Variants in HLCS observed in about 807,000 individuals in gnomAD.
The protein encoded by HLCS is biotin--protein ligase.
HLCS carries 53 observed loss-of-function variants against 75.0 expected under a neutral mutation model. The ratio of observed to expected loss-of-function variants is 0.71; its 90% CI spans 0.57 to 0.89. The LOEUF (loss-of-function observed/expected upper bound fraction) is 0.89. Among genes scored for constraint, HLCS ranks in the 40% least tolerant of loss-of-function variants. The pLI is 0.00. For missense variants in HLCS, 966 were observed against 1,074.0 expected, an observed-to-expected ratio of 0.90 and a Z score of 1.41; for synonymous variants, 431 against 428.6, an observed-to-expected ratio of 1.01 and a Z score of -0.07.
intron 5 of HLCS, among the ~76,000 whole-genome samples, chr21:36,914,562 A>C (rs187152387): frequency 6.6e-6 from 1 of 152,324 alleles, no homozygotes; most frequent in African/African-American, 2.4e-5. Context: ...ACTAGCGAAG[A>C]CCACAAAAGG....
chr21:36,846,138 T>C (rs184200006), intron 6 of HLCS, among the ~76,000 whole-genome samples: 1 of 152,312 alleles, frequency 6.6e-6, no homozygotes, highest in African/African-American at 2.4e-5. Context: ...AAGTGATACA[T>C]AGTAGACACT....
chr21:36,828,460 T>A (rs1377327908), intron 6 of HLCS, among the ~76,000 whole-genome samples: 1 of 152,212 alleles, frequency 6.6e-6, no homozygotes, highest in Non-Finnish European at 1.5e-5. Context: ...CTGGAAACGT[T>A]AATAAGGTGC....
intron 6 of HLCS, among the ~76,000 whole-genome samples, chr21:36,849,394 C>A (rs183408967): frequency 6.6e-6 from 1 of 152,196 alleles, no homozygotes; most frequent in African/African-American, 2.4e-5. Context: ...AGCCATTCAA[C>A]GTAATCATAA....
chr21:36,884,674 A>C (rs73214725), intron 6 of HLCS, among the ~76,000 whole-genome samples: 6,564 of 152,330 alleles, frequency 0.043, 205 homozygotes, highest in Non-Finnish European at 0.066. Context: ...TATCTTTTCT[A>C]ACCCTAAACC....
intron 6 of HLCS, among the ~76,000 whole-genome samples, chr21:36,788,039 G>C (rs1408342752): frequency 6.6e-6 from 1 of 152,120 alleles, no homozygotes; most frequent in Non-Finnish European, 1.5e-5. Flanking sequence ...CATTTTGCTA[G>C]ATTCCCTCCA....
chr21:36,958,057 C>G (rs1177811331), intron 2 of HLCS, among the ~76,000 whole-genome samples: 1 of 151,646 alleles, frequency 6.6e-6, no homozygotes, highest in Non-Finnish European at 1.5e-5. Flanking sequence ...GAAACACCGT[C>G]TCTACTAAAA....
At position 36,749,418 on chromosome 21, in the gene HLCS, T is replaced by G. The variant is rs1463105335; in HGVS notation, c.*4828A>C. Reference sequence around the variant, plus strand: ...TCATCGTTCTAAAATCAAGTGCACCTACACCAACTGCTCTCAAAATGTGAA... The same window carrying G: ...TCATCGTTCTAAAATCAAGTGCACCGACACCAACTGCTCTCAAAATGTGAA... On this transcript the variant is annotated 3_prime_UTR_variant, in exon 11 of 11. Coordinates refer to ENST00000674895, the MANE Select transcript of HLCS (RefSeq NM_001352514.2). 1.3e-5 allele frequency: 2 copies of G among 151,618 alleles called. No homozygotes were observed. Among genetic ancestry groups the G allele is most frequent in the Non-Finnish European group, 2.9e-5 (2 of 67,960 alleles). The allele number at this position is 151,618 out of a possible 1,614,324, so 9.4% of individuals were successfully genotyped here.
At chr21:36,845,717 T>G (rs757137182) in intron 6 of HLCS, among the ~76,000 whole-genome samples, 1 of 152,098 alleles carries the variant, frequency 6.6e-6, no homozygotes, top group Non-Finnish European at 1.5e-5. Flanking sequence ...CTAGGTCATT[T>G]CTCTTAAAGC....
At chr21:36,867,727 C>G (rs77113140) in intron 6 of HLCS, among the ~76,000 whole-genome samples, 2,097 of 152,350 alleles carry the variant, frequency 0.014, 65 homozygotes, top group East Asian at 0.12. Context: ...CCTACATACA[C>G]TACTTATTAT....
At chr21:36,929,920 CTCAAG>C (rs1471961188) in intron 5 of HLCS, among the ~76,000 whole-genome samples, 10 of 152,176 alleles carry the variant, frequency 6.6e-5, no homozygotes, top group African/African-American at 2.4e-4. Flanking sequence ...CTGAAAGTGG[CTCAAG>C]TCAAAACAAA....
rs531875617 is a variant in HLCS at position 36,824,129 on chromosome 21, A to C, written c.1893-56844T>G. ...ACCCTGTCTCTACTAAAAATACAAA[A>C]AAAGTGCACACATATGTTTATTGCA... On this transcript the variant is annotated intron_variant, in intron 6 of 10. Transcript: ENST00000674895. 2.0e-5 allele frequency among the ~76,000 whole-genome samples: 3 copies of C among 152,368 alleles called. No homozygotes were observed. The South Asian group carries it at 6.2e-4, about 32-fold the overall frequency.
chr21:36,927,087 T>C (rs1181605645), intron 5 of HLCS, among the ~76,000 whole-genome samples: 1 of 152,170 alleles, frequency 6.6e-6, no homozygotes, highest in Non-Finnish European at 1.5e-5. Flanking sequence ...TAAACGTGTG[T>C]TTGTGTGTTT....
intron 6 of HLCS, among the ~76,000 whole-genome samples, chr21:36,789,042 C>T (rs1268863163): frequency 6.6e-6 from 1 of 152,096 alleles, no homozygotes; most frequent in Non-Finnish European, 1.5e-5. Context: ...TTTTGCTCTA[C>T]TTCTTTTAAT....
intron 8 of HLCS, among the ~76,000 whole-genome samples, chr21:36,762,168 G>A (rs983496604): frequency 6.6e-6 from 1 of 152,190 alleles, no homozygotes; most frequent in African/African-American, 2.4e-5. Context: ...CATGGGAGAC[G>A]GAACAGGTGC....
At chr21:36,759,093 C>A (rs1267681328) in intron 9 of HLCS, 1 of 470,920 alleles carries the variant, frequency 2.1e-6, no homozygotes, top group African/African-American at 2.0e-5. Context: ...TATTCCCTGG[C>A]TGGCACTTGA....
intron 6 of HLCS, among the ~76,000 whole-genome samples, chr21:36,871,006 T>A (rs1467347791): frequency 1.3e-5 from 2 of 152,322 alleles, no homozygotes; most frequent in Non-Finnish European, 2.9e-5. Context: ...TTTTCAATAA[T>A]GCAAACGCTG....
chr21:36,984,785 T>C (rs1875002755), intron 1 of HLCS, among the ~76,000 whole-genome samples: 1 of 152,188 alleles, frequency 6.6e-6, no homozygotes, highest in African/African-American at 2.4e-5. Flanking sequence ...ACAGGGGCAC[T>C]TGTACCCTCT....
intron 6 of HLCS, among the ~76,000 whole-genome samples, chr21:36,795,329 C>T (rs2145896997): frequency 6.6e-6 from 1 of 152,318 alleles, no homozygotes; most frequent in East Asian, 1.9e-4. Context: ...CTAGGTCCCA[C>T]AGAGGGCAGG....
At chr21:36,952,620 C>T (rs762111436) in intron 2 of HLCS, among the ~76,000 whole-genome samples, 1 of 151,852 alleles carries the variant, frequency 6.6e-6, no homozygotes, top group African/African-American at 2.4e-5. Flanking sequence ...GGTGAAACTC[C>T]GTCTCTACTA....
Sources: gnomAD v4.1 joint callset for allele counts (sites outside exome capture counted in the v4.1 genomes callset) on GRCh38, gnomAD v4.1.1 for gene constraint, MANE v1.5 for transcripts, NCBI Gene and HGNC (gene_info 2026-07-23, HGNC 2026-07-21) for gene names.